GALNTL6: variants seen among roughly 807,000 people sequenced by gnomAD.
The protein encoded by GALNTL6 is polypeptide N-acetylgalactosaminyltransferase like 6, also known as polypeptide N-acetylgalactosaminyltransferase-like 6.
In GALNTL6, 46 loss-of-function variants were observed where a neutral mutation model predicts 73.7. The observed-to-expected ratio is 0.62, with a 90% CI of 0.49 to 0.80. The LOEUF is 0.80. Among genes scored for constraint, GALNTL6 ranks in the 30% least tolerant of loss-of-function variants. The pLI is 0.00. For missense variants in GALNTL6, 604 were observed against 755.0 expected (o/e 0.80, Z 2.34); for synonymous variants, 259 against 263.7 (o/e 0.98, Z 0.17).
chr4:171,973,296 C>T (rs1213486179), intron 2 of GALNTL6, among the ~76,000 whole-genome samples: 1 of 152,090 alleles, frequency 6.6e-6, no homozygotes, highest in Non-Finnish European at 1.5e-5. Context: ...TAAGGAAGTA[C>T]CACAAACTAG....
intron 5 of GALNTL6, among the ~76,000 whole-genome samples, chr4:172,457,039 G>T (rs1579088563): frequency 6.6e-6 from 1 of 152,092 alleles, no homozygotes; most frequent in African/African-American, 2.4e-5. Context: ...GAGAGTGGGG[G>T]CCAATATTCA....
At chr4:172,434,074 C>T (rs1731553196) in intron 5 of GALNTL6, among the ~76,000 whole-genome samples, 1 of 152,050 alleles carries the variant, frequency 6.6e-6, no homozygotes, top group South Asian at 2.1e-4. Flanking sequence ...ACTATTAATA[C>T]ATTATCGTTT....
chr4:171,837,380 T>TG lies in GALNTL6; in HGVS notation c.138+22668dup, dbSNP rs539174620. ...GATCACATTTGTATAAAGGATATTT[T>TG]GGGGGGCGATTGGTGAAACGTGGTG... On this transcript the variant is annotated intron_variant, in intron 2 of 12. Coordinates refer to ENST00000506823, the MANE Select transcript of GALNTL6 (RefSeq NM_001034845.3). Among the ~76,000 whole-genome samples the TG allele has an allele frequency of 9.2e-5, 14 of 151,862 alleles. No individual in the cohort carries two copies. In the South Asian group the frequency reaches 2.9e-3, roughly 32 times the overall value.
At chr4:172,675,888 C>T (rs1024161697) in intron 5 of GALNTL6, among the ~76,000 whole-genome samples, 7 of 152,158 alleles carry the variant, frequency 4.6e-5, no homozygotes, top group African/African-American at 1.4e-4. Context: ...ATCCTTGAGG[C>T]ATGTACATCT....
At chr4:172,256,631 C>T (rs576900841) in intron 3 of GALNTL6, among the ~76,000 whole-genome samples, 2 of 151,268 alleles carry the variant, frequency 1.3e-5, no homozygotes, top group Non-Finnish European at 3.0e-5. Context: ...TCTGTTCTTT[C>T]CCAATTTTTG....
intron 8 of GALNTL6, among the ~76,000 whole-genome samples, chr4:172,908,609 A>AGTGTGTGTGTGT (rs200044918): frequency 1.2e-4 from 17 of 145,978 alleles, no homozygotes; most frequent in South Asian, 8.8e-4. Flanking sequence ...CATGAGCGTG[A>AGTGTGTGTGTGT]GTGTGTGTGT....
At position 173,029,126 on chromosome 4, in the gene GALNTL6, T is replaced by C. The variant is rs141447691; in HGVS notation, c.1638+7501T>C. Among the ~76,000 whole-genome samples, 569 of 152,268 alleles carry C rather than the reference T, an allele frequency of 3.7e-3. 3 individuals are homozygous for C. Among genetic ancestry groups the C allele is most frequent in the African/African-American group, 0.012 (516 of 41,562 alleles). ...CAGGTATTGATTTGGGACCAAAAAA[T>C]AAGGAAAGTGTATATAACAAGTTTA... On this transcript the variant is annotated intron_variant, in intron 12 of 12. Coordinates refer to ENST00000506823, the MANE Select transcript of GALNTL6 (RefSeq NM_001034845.3).
Position 172,364,623 on chromosome 4 carries a change from T to C in GALNTL6, c.553+15934T>C, listed in dbSNP as rs114157982. 2.5e-3 allele frequency among the ~76,000 whole-genome samples: 379 copies of C among 152,326 alleles called. 2 individuals are homozygous for C. Among genetic ancestry groups the C allele is most frequent in the African/African-American group, 8.2e-3 (342 of 41,584 alleles). On this transcript the variant is annotated intron_variant, in intron 5 of 12. Coordinates refer to ENST00000506823, the MANE Select transcript of GALNTL6 (RefSeq NM_001034845.3). ...TTCTTCCCTTAACACTGAGTGTCAG[T>C]AGCAGAATGGCATGGGTTGGGAAGA...
At chr4:172,308,623 T>C (rs1354869636) in intron 3 of GALNTL6, among the ~76,000 whole-genome samples, 1 of 152,162 alleles carries the variant, frequency 6.6e-6, no homozygotes, top group African/African-American at 2.4e-5. Flanking sequence ...GTGTATGTGG[T>C]GTATCACATT....
Position 172,599,129 on chromosome 4 carries a change from C to A in GALNTL6, c.554-210232C>A, listed in dbSNP as rs573646833. 2.0e-5 allele frequency among the ~76,000 whole-genome samples: 3 copies of A among 152,214 alleles called. No individual in the cohort carries two copies. In the South Asian group the frequency reaches 6.2e-4, roughly 32 times the overall value. The stretch of plus-strand genomic sequence containing the variant: ...AGTTCTAGAAATTATTCCTTTAAAA[C>A]TATTCATGTGGTTTCTTAATCCTGT... On this transcript the variant is annotated intron_variant, in intron 5 of 12. Transcript: ENST00000506823.
chr4:172,807,057 C>T (rs989340538), intron 5 of GALNTL6, among the ~76,000 whole-genome samples: 18 of 152,124 alleles, frequency 1.2e-4, no homozygotes, highest in African/African-American at 4.3e-4. Context: ...GCAGTGGTGT[C>T]ATTTTTGTCT....
chr4:172,106,964 C>T (rs1281669187), intron 2 of GALNTL6, among the ~76,000 whole-genome samples: 1 of 152,200 alleles, frequency 6.6e-6, no homozygotes, highest in Non-Finnish European at 1.5e-5. Context: ...ACCTTTGCCT[C>T]CCGGGTTCAA....
chr4:172,096,169 C>A (rs1358763157), intron 2 of GALNTL6, among the ~76,000 whole-genome samples: 2 of 151,090 alleles, frequency 1.3e-5, no homozygotes, highest in East Asian at 3.9e-4. Context: ...AAGAGCACAA[C>A]CATAGCTCAC....
rs1219107367 is a variant in GALNTL6 at position 172,719,622 on chromosome 4, C to T, written c.554-89739C>T. Among the ~76,000 whole-genome samples the T allele has an allele frequency of 2.0e-5, 3 of 151,958 alleles. 1 individual carries two copies. Among genetic ancestry groups the T allele is most frequent in the African/African-American group, 7.3e-5 (3 of 41,378 alleles). ...GACGGGTGGTGTGGCTTAATGAGAGCGTTTGCCAAATCCTTAGATATAAGA... is the reference window on the plus strand; with the variant it reads ...GACGGGTGGTGTGGCTTAATGAGAGTGTTTGCCAAATCCTTAGATATAAGA... On this transcript the variant is annotated intron_variant, in intron 5 of 12. Coordinates refer to ENST00000506823, the MANE Select transcript of GALNTL6 (RefSeq NM_001034845.3).
intron 10 of GALNTL6, among the ~76,000 whole-genome samples, chr4:172,952,547 G>C (rs1338179999): frequency 1.3e-5 from 2 of 149,880 alleles, no homozygotes; most frequent in South Asian, 2.1e-4. Context: ...ATGGAGTCTC[G>C]CTCTGTCTTC....
chr4:172,372,806 CG>C (rs1742868166), intron 5 of GALNTL6, among the ~76,000 whole-genome samples: 1 of 152,016 alleles, frequency 6.6e-6, no homozygotes, highest in African/African-American at 2.4e-5. Flanking sequence ...TCGCTGTATC[CG>C]GGGATCCATA....
At chr4:172,882,736 G>T (rs1043757460) in intron 7 of GALNTL6, 54 bp from the exon 8 acceptor site, 43 of 1,138,372 alleles carry the variant, frequency 3.8e-5, no homozygotes, top group African/African-American at 7.7e-5. Flanking sequence ...CAAGGAAAAT[G>T]CCATTGTCTG....
chr4:172,231,900 C>T (rs1462572602), intron 3 of GALNTL6, among the ~76,000 whole-genome samples: 1 of 152,004 alleles, frequency 6.6e-6, no homozygotes, highest in Non-Finnish European at 1.5e-5. Context: ...TTTCTATCTT[C>T]ATCTTTGCTA....
chr4:172,903,430 G>A (rs1167623705), intron 8 of GALNTL6, among the ~76,000 whole-genome samples: 1 of 152,112 alleles, frequency 6.6e-6, no homozygotes, highest in South Asian at 2.1e-4. Context: ...GCTTAACTCT[G>A]CAGAAAAAGG....
Sources: gnomAD v4.1 joint callset for allele counts (sites outside exome capture counted in the v4.1 genomes callset) on GRCh38, gnomAD v4.1.1 for gene constraint, MANE v1.5 for transcripts, NCBI Gene and HGNC (gene_info 2026-07-23, HGNC 2026-07-21) for gene names.